The following MGST1 variants were observed in gnomAD, a reference collection of about 807,000 sequenced individuals.
The protein encoded by MGST1 is microsomal glutathione S-transferase 1, also known as glutathione S-transferase 12.
In MGST1, 5 loss-of-function variants were observed where a neutral mutation model predicts 8.9. That is an observed-to-expected ratio of 0.56 (90% CI 0.29 to 1.19). MGST1 has a LOEUF of 1.19. Ranked by LOEUF, MGST1 falls within the 50% of genes most tolerant of loss-of-function variation. The probability of loss-of-function intolerance (pLI) is 0.08; values close to 1 mark genes in which losing one functional copy is unlikely to be tolerated. For synonymous variants in MGST1, 54 were observed against 67.8 expected, an observed-to-expected ratio of 0.80 and a Z score of 1.00; for missense variants, 182 against 187.4, an observed-to-expected ratio of 0.97 and a Z score of 0.17.
At chr12:16,567,860 C>T (rs191934283) in intron 4 of MGST1, among the ~76,000 whole-genome samples, 2 of 152,130 alleles carry the variant, frequency 1.3e-5, no homozygotes, top group South Asian at 4.1e-4. Flanking sequence ...GCAGTGGGTG[C>T]TCAAGCCCAC....
chr12:16,492,814 T>G (rs2137158138), intron 4 of MGST1, among the ~76,000 whole-genome samples: 1 of 152,282 alleles, frequency 6.6e-6, no homozygotes, highest in South Asian at 2.1e-4. Context: ...TCAGACATAA[T>G]TTGGCCCAGG....
At chr12:16,367,420 AAC>A (rs1940211737), downstream of MGST1, 1 of 152,228 alleles carries the variant, frequency 6.6e-6, no homozygotes, top group African/African-American at 2.4e-5. Context: ...AATGCATGGA[AAC>A]AGACTTGTAA....
intron 4 of MGST1, among the ~76,000 whole-genome samples, chr12:16,488,943 T>A (rs1041741269): frequency 1.3e-5 from 2 of 151,862 alleles, no homozygotes; most frequent in African/African-American, 4.8e-5. Context: ...ACCCCATCTG[T>A]ACAAAACTTT....
intron 4 of MGST1, among the ~76,000 whole-genome samples, chr12:16,578,253 C>T (rs116519083): frequency 1.6e-4 from 25 of 152,252 alleles, no homozygotes; most frequent in African/African-American, 5.5e-4. Context: ...TAGGGGAATT[C>T]TAAGAGAATT....
chr12:16,375,081 A>G (rs1325726860), intron 3 of MGST1, among the ~76,000 whole-genome samples: 1 of 152,086 alleles, frequency 6.6e-6, no homozygotes, highest in South Asian at 2.1e-4. Context: ...GGGTCTTGCT[A>G]TGTTACCCAG....
chr12:16,351,195 C>T (rs9332893), intron 1 of MGST1, among the ~76,000 whole-genome samples: 1 of 152,142 alleles, frequency 6.6e-6, no homozygotes, highest in Non-Finnish European at 1.5e-5. Context: ...AAAAACTTCA[C>T]ACGCTTGCTG....
At chr12:16,554,328 T>C (rs1194452451) in intron 4 of MGST1, among the ~76,000 whole-genome samples, 2 of 152,200 alleles carry the variant, frequency 1.3e-5, no homozygotes, top group Non-Finnish European at 2.9e-5. Flanking sequence ...TGTTAGTGAC[T>C]GACAATTATG....
At chr12:16,564,514 G>C (rs988112695) in intron 4 of MGST1, among the ~76,000 whole-genome samples, 1 of 152,080 alleles carries the variant, frequency 6.6e-6, no homozygotes, top group African/African-American at 2.4e-5. Flanking sequence ...TAATGAATGT[G>C]GTTTACTACA....
chr12:16,525,503 A>G (rs1591752010), intron 4 of MGST1, among the ~76,000 whole-genome samples: 2 of 149,234 alleles, frequency 1.3e-5, no homozygotes, highest in African/African-American at 5.0e-5. Context: ...ATAGTATTCC[A>G]TGGTGTATAT....
chr12:16,528,741 G>T (rs12228768), intron 4 of MGST1, among the ~76,000 whole-genome samples: 1 of 151,956 alleles, frequency 6.6e-6, no homozygotes. Context: ...TCATCACTTA[G>T]CCTGGGAAGA....
exon 4 of MGST1, chr12:16,376,215 A>G (rs1159414544): frequency 2.6e-6 from 2 of 770,674 alleles, no homozygotes; most frequent in Non-Finnish European, 4.2e-6. Flanking sequence ...GTTTCCTTGT[A>G]GAAGCAAACC....
intron 1 of MGST1, among the ~76,000 whole-genome samples, chr12:16,397,633 G>A (rs1940616422): frequency 6.6e-6 from 1 of 151,516 alleles, no homozygotes; most frequent in Non-Finnish European, 1.5e-5. Flanking sequence ...GACATGAATA[G>A]ACAATTCTCA....
intron 1 of MGST1, among the ~76,000 whole-genome samples, chr12:16,349,934 C>T (rs948443820): frequency 4.6e-5 from 7 of 151,960 alleles, no homozygotes; most frequent in Admixed American, 1.3e-4. Flanking sequence ...TTAATAGAGA[C>T]GGGGTTTCAC....
At chr12:16,514,179 A>C (rs1941595486) in intron 4 of MGST1, 3 of 330,614 alleles carry the variant, frequency 9.1e-6, no homozygotes, top group Non-Finnish European at 1.8e-5. Context: ...CCACTCTGCC[A>C]ATTATACGCC....
At chr12:16,430,763 A>C (rs539225870) in intron 1 of MGST1, among the ~76,000 whole-genome samples, 25 of 152,194 alleles carry the variant, frequency 1.6e-4, no homozygotes, top group African/African-American at 5.5e-4. Context: ...GGCCCCTGGG[A>C]TTTTCAGAAT....
At chr12:16,420,214 T>C (rs1940822753) in intron 1 of MGST1, among the ~76,000 whole-genome samples, 1 of 152,124 alleles carries the variant, frequency 6.6e-6, no homozygotes, top group African/African-American at 2.4e-5. Flanking sequence ...AGCATTTTGA[T>C]AGCACAGATC....
chr12:16,476,190 A>C (rs1941321948), intron 4 of MGST1, among the ~76,000 whole-genome samples: 1 of 152,192 alleles, frequency 6.6e-6, no homozygotes, highest in South Asian at 2.1e-4. Flanking sequence ...GTGAGAGTGC[A>C]GATAAGACTC....
At chr12:16,476,132 G>A (rs1941321648) in intron 4 of MGST1, among the ~76,000 whole-genome samples, 1 of 152,118 alleles carries the variant, frequency 6.6e-6, no homozygotes, top group Non-Finnish European at 1.5e-5. Flanking sequence ...AAGTGGAAAG[G>A]AGAATAACCA....
At chr12:16,441,937 A>G (rs1218477302), downstream of MGST1, among the ~76,000 whole-genome samples, 1 of 151,832 alleles carries the variant, frequency 6.6e-6, no homozygotes, top group African/African-American at 2.4e-5. Flanking sequence ...ACCATTTTGC[A>G]TCTCCGTCAG....
Sources: gnomAD v4.1 joint callset for allele counts (sites outside exome capture counted in the v4.1 genomes callset) on GRCh38, gnomAD v4.1.1 for gene constraint, MANE v1.5 for transcripts, NCBI Gene and HGNC (gene_info 2026-07-23, HGNC 2026-07-21) for gene names.